Variants in ADAMTS3 observed in about 807,000 individuals in gnomAD.
The protein encoded by ADAMTS3 is A disintegrin and metalloproteinase with thrombospondin motifs 3.
Under a neutral mutation model 129.0 loss-of-function variants are expected in ADAMTS3, and 73 were observed. The ratio of observed to expected loss-of-function variants is 0.57; its 90% CI spans 0.47 to 0.69. ADAMTS3 has a LOEUF of 0.69. Among genes scored for constraint, ADAMTS3 ranks in the 30% least tolerant of loss-of-function variants. The pLI, the probability that ADAMTS3 is intolerant of heterozygous loss-of-function variation, is 0.00. For synonymous variants in ADAMTS3, 477 were observed against 510.8 expected (o/e 0.93, Z 0.89); for missense variants, 1,457 against 1,514.5 (o/e 0.96, Z 0.63).
chr4:72,407,146 G>A (rs1425808077), intron 4 of ADAMTS3, among the ~76,000 whole-genome samples: 2 of 151,886 alleles, frequency 1.3e-5, no homozygotes, highest in African/African-American at 4.8e-5. Flanking sequence ...ATGTCCACAA[G>A]GGCTTCCCAT....
intron 3 of ADAMTS3, among the ~76,000 whole-genome samples, chr4:72,445,402 C>A (rs1214466639): frequency 6.6e-6 from 1 of 151,668 alleles, no homozygotes; most frequent in East Asian, 2.0e-4. Flanking sequence ...ACCTCAGCCA[C>A]CAATATGTTC....
intron 19 of ADAMTS3, among the ~76,000 whole-genome samples, chr4:72,292,694 T>C (rs1194573757): frequency 2.0e-5 from 3 of 152,204 alleles, no homozygotes; most frequent in Admixed American, 6.5e-5. Flanking sequence ...GCTGTCTGTA[T>C]GTAATTCAGG....
intron 3 of ADAMTS3, among the ~76,000 whole-genome samples, chr4:72,499,774 C>T (rs1397538716): frequency 6.6e-6 from 1 of 152,058 alleles, no homozygotes; most frequent in Non-Finnish European, 1.5e-5. Flanking sequence ...TGCCATCCTT[C>T]CTAGCTCCCC....
intron 4 of ADAMTS3, among the ~76,000 whole-genome samples, chr4:72,353,843 A>G (rs1044413802): frequency 6.6e-5 from 10 of 152,102 alleles, no homozygotes; most frequent in Middle Eastern, 3.4e-3. Flanking sequence ...AAGTTGGTCT[A>G]TCCAGTGACC....
At chr4:72,311,836 A>G (rs1248798029) in intron 13 of ADAMTS3, among the ~76,000 whole-genome samples, 1 of 152,166 alleles carries the variant, frequency 6.6e-6, no homozygotes, top group African/African-American at 2.4e-5. Flanking sequence ...AAATTTCCAA[A>G]TATATCTTTA....
intron 21 of ADAMTS3, among the ~76,000 whole-genome samples, 158 bp from the exon 22 acceptor site, chr4:72,283,862 T>C (rs1263670134): frequency 6.6e-6 from 1 of 152,220 alleles, no homozygotes; most frequent in Non-Finnish European, 1.5e-5. Flanking sequence ...AATATGAATA[T>C]TAGAATGAAT....
At chr4:72,301,830 G>C (rs1443687240) in intron 17 of ADAMTS3, among the ~76,000 whole-genome samples, 2 of 152,002 alleles carry the variant, frequency 1.3e-5, no homozygotes, top group African/African-American at 4.8e-5. Context: ...CTAGATTAGA[G>C]TTTGGAACTT....
At chr4:72,449,034 A>G (rs1316303629) in intron 3 of ADAMTS3, among the ~76,000 whole-genome samples, 30 of 151,340 alleles carry the variant, frequency 2.0e-4, no homozygotes, top group Non-Finnish European at 5.9e-5. Context: ...TTGAAATGCT[A>G]TTTTCCACTG....
intron 3 of ADAMTS3, among the ~76,000 whole-genome samples, chr4:72,507,725 C>A (rs992523011): frequency 5.9e-5 from 9 of 152,160 alleles, no homozygotes; most frequent in African/African-American, 1.9e-4. Flanking sequence ...AATCCCACCA[C>A]TGCATCCATG....
At chr4:72,505,266 T>A (rs766937924) in intron 3 of ADAMTS3, among the ~76,000 whole-genome samples, 25 of 152,208 alleles carry the variant, frequency 1.6e-4, no homozygotes, top group Non-Finnish European at 2.6e-4. Context: ...TTGTTTCTTC[T>A]TTCCCTGTCT....
intron 21 of ADAMTS3, among the ~76,000 whole-genome samples, chr4:72,284,980 A>T (rs998179109): frequency 6.6e-6 from 1 of 152,250 alleles, no homozygotes; most frequent in Non-Finnish European, 1.5e-5. Context: ...ACACTGATCC[A>T]TGCCCAAAGA....
At chr4:72,409,208 A>G (rs1413350043) in intron 4 of ADAMTS3, among the ~76,000 whole-genome samples, 1 of 152,222 alleles carries the variant, frequency 6.6e-6, no homozygotes, top group African/African-American at 2.4e-5. Flanking sequence ...CGAGAAAGCA[A>G]ACACTACATT....
chr4:72,332,821 G>A (rs1719884881), intron 5 of ADAMTS3, among the ~76,000 whole-genome samples: 1 of 152,116 alleles, frequency 6.6e-6, no homozygotes. Flanking sequence ...ATTCAATCAG[G>A]TAACTAACTG....
At position 72,467,234 on chromosome 4, in the gene ADAMTS3, A is replaced by G. The variant is rs372664384; in HGVS notation, c.505-52263T>C. On this transcript the variant is annotated intron_variant, in intron 3 of 21. Transcript: ENST00000286657. ...AGTCTGCAGATTCAAAATTATACCT[A>G]TTGATTTCATTCCTTCTGTTAATCC... Among the ~76,000 whole-genome samples the G allele has an allele frequency of 9.2e-5, 14 of 152,062 alleles. No individual in the cohort carries two copies. In the East Asian group the frequency reaches 2.3e-3, roughly 25 times the overall value.
At chr4:72,444,920 T>C (rs1377491904) in intron 3 of ADAMTS3, among the ~76,000 whole-genome samples, 2 of 151,660 alleles carry the variant, frequency 1.3e-5, no homozygotes, top group Non-Finnish European at 3.0e-5. Flanking sequence ...CTTGAAAACA[T>C]GCTAAATGGA....
At chr4:72,531,947 G>T (rs929443772) in intron 3 of ADAMTS3, among the ~76,000 whole-genome samples, 7 of 151,902 alleles carry the variant, frequency 4.6e-5, no homozygotes, top group African/African-American at 1.7e-4. Context: ...CTAAAAGAGG[G>T]AGTTAAAGTT....
At chr4:72,315,836 T>C in intron 11 of ADAMTS3, 22 bp downstream of exon 11, 1 of 1,414,556 alleles carries the variant, frequency 7.1e-7, no homozygotes, top group Middle Eastern at 1.8e-4. Context: ...TACATATTTA[T>C]TGTGTAAATA....
At chr4:72,334,737 T>C (rs1719945806) in intron 5 of ADAMTS3, among the ~76,000 whole-genome samples, 1 of 152,190 alleles carries the variant, frequency 6.6e-6, no homozygotes, top group Non-Finnish European at 1.5e-5. Flanking sequence ...TGTTACAAGT[T>C]AGTAAAACTA....
intron 4 of ADAMTS3, among the ~76,000 whole-genome samples, chr4:72,367,319 A>G (rs1720893362): frequency 6.6e-6 from 1 of 152,142 alleles, no homozygotes; most frequent in South Asian, 2.1e-4. Context: ...CTTACTATCT[A>G]TACTGCTTGG....
Sources: gnomAD v4.1 joint callset for allele counts (sites outside exome capture counted in the v4.1 genomes callset) on GRCh38, gnomAD v4.1.1 for gene constraint, MANE v1.5 for transcripts, NCBI Gene and HGNC (gene_info 2026-07-23, HGNC 2026-07-21) for gene names.